The following NAE1 variants were observed in gnomAD, a reference collection of about 807,000 sequenced individuals.
NAE1 encodes NEDD8 activating enzyme E1 subunit 1.
A neutral mutation model predicts 88.0 loss-of-function variants in NAE1; 59 were observed. The ratio of observed to expected loss-of-function variants is 0.67; its 90% CI spans 0.54 to 0.83. The LOEUF is 0.83. Ranked by LOEUF, NAE1 falls within the 40% of genes least tolerant of loss-of-function variation. The pLI, the probability that NAE1 is intolerant of heterozygous loss-of-function variation, is 0.00. For missense variants in NAE1, 554 were observed against 632.8 expected, an observed-to-expected ratio of 0.88 and a Z score of 1.34; for synonymous variants, 186 against 208.9, an observed-to-expected ratio of 0.89 and a Z score of 0.95.
chr16:66,815,877 C>T (rs576343580), intron 11 of NAE1, among the ~76,000 whole-genome samples: 27 of 150,538 alleles, frequency 1.8e-4, no homozygotes, highest in African/African-American at 5.4e-4. Flanking sequence ...TGGCCAGGCT[C>T]GTCTTGGACT....
chr16:66,808,121 G>A (rs1388920827), intron 17 of NAE1, among the ~76,000 whole-genome samples: 1 of 152,012 alleles, frequency 6.6e-6, no homozygotes, highest in African/African-American at 2.4e-5. Flanking sequence ...CCAACTCCTG[G>A]GCTCAAGCAA....
chr16:66,808,836 T>C (rs1959675238), intron 16 of NAE1, 153 bp downstream of exon 16: 1 of 613,040 alleles, frequency 1.6e-6, no homozygotes, highest in Admixed American at 3.6e-5. Flanking sequence ...AATATATAAA[T>C]TATAATTACC....
At chr16:66,808,800 C>T in intron 16 of NAE1, 187 bp from the exon 17 acceptor site, 1 of 607,842 alleles carries the variant, frequency 1.6e-6, no homozygotes. Flanking sequence ...CTAAATATGA[C>T]TTTATGCATA....
At chr16:66,823,881 G>GCTA (rs1022342460) in intron 4 of NAE1, among the ~76,000 whole-genome samples, 1 of 152,128 alleles carries the variant, frequency 6.6e-6, no homozygotes, top group African/African-American at 2.4e-5. Context: ...ACAGGCATGT[G>GCTA]CTACCATGCC....
chr16:66,803,041 T>C lies in NAE1; in HGVS notation c.1573A>G (p.Met525Val), dbSNP rs1246651079. 3 of 1,611,756 alleles carry C rather than the reference T, an allele frequency of 1.9e-6. No homozygotes were observed. The highest frequency in any genetic ancestry group is 2.5e-6 in the Non-Finnish European group (3 of 1,178,100). Residue 525 changes from methionine (M) to valine (V), a missense_variant, in exon 20 of 20, where the codon ATG (methionine) becomes GTG (valine). By Grantham distance (21) the Met-to-Val change is conservative. Transcript: ENST00000290810. The part of the protein sequence containing the change: ...IFNNTYIYSG[M>V]SQTSATFQL ...TGGAAAGTTGCTGAAGTTTGTGACATGCCACTGTAAATGTAAGTATTATTA... is the reference window on the plus strand; with the variant it reads ...TGGAAAGTTGCTGAAGTTTGTGACACGCCACTGTAAATGTAAGTATTATTA...
At position 66,816,996 on chromosome 16, in the gene NAE1, T is replaced by C. The variant is rs748574880; in HGVS notation, c.717A>G (p.Glu239=). The change falls in exon 10 of 20, where the codon GAA becomes GAG. Residue 239 remains glutamate (E), a synonymous_variant. Transcript: ENST00000290810. Reference sequence around the variant, plus strand: ...TAATCAAATCTCTGAAGTCCTCTTTTTCTTTATACGTTTTAGGTATTCGTC... The same window carrying C: ...TAATCAAATCTCTGAAGTCCTCTTTCTCTTTATACGTTTTAGGTATTCGTC... ...TNGRIPKTYK[E]KEDFRDLIRQ... is the part of the protein sequence containing the mutation. The C allele has an allele frequency of 6.2e-7, 1 of 1,601,274 alleles. No individual in the cohort carries two copies. Among genetic ancestry groups the C allele is most frequent in the Non-Finnish European group, 8.5e-7 (1 of 1,176,770 alleles).
Position 66,809,086 on chromosome 16 carries a change from G to A in NAE1, c.1151-11C>T. ...ATGCAGAATTGCTGCCTGAACAGAG[G>A]AAAGATATTCTGGAAGTAATGACTG... On this transcript the variant is annotated splice_polypyrimidine_tract_variant and intron_variant, in intron 15 of 19. Transcript: ENST00000290810. 6.3e-7 allele frequency: 1 copy of A among 1,597,908 alleles called. No individual in the cohort carries two copies. Among genetic ancestry groups the A allele is most frequent in the Non-Finnish European group, 8.6e-7 (1 of 1,168,736 alleles).
chr16:66,810,728 T>C lies in NAE1; in HGVS notation c.1079A>G (p.His360Arg), dbSNP rs774131902. The C allele has an allele frequency of 6.2e-7, 1 of 1,614,232 alleles. No individual in the cohort carries two copies. The highest frequency in any genetic ancestry group is 1.7e-5 in the Admixed American group (1 of 60,028). ...AKKDAAAVGNHVAKLLQSIGQ... is the reference protein window; with the variant it reads ...AKKDAAAVGNRVAKLLQSIGQ... ...AATGGACTGCAGCAATTTGGCAACA[T>C]GATTACCCACAGCGGCAGCATCTTT... Residue 360 changes from histidine (H) to arginine (R), a missense_variant, in exon 14 of 20, where the codon CAT (histidine) becomes CGT (arginine). Transcript: ENST00000290810.
chr16:66,820,677 A>G (rs1376755893), intron 7 of NAE1, among the ~76,000 whole-genome samples: 4 of 152,080 alleles, frequency 2.6e-5, no homozygotes, highest in Non-Finnish European at 4.4e-5. Context: ...CAAGGCGGGC[A>G]GATCACGAGG....
At chr16:66,813,893 G>A (rs779859464) in intron 11 of NAE1, 47 bp from the exon 12 acceptor site, 24 of 1,531,562 alleles carry the variant, frequency 1.6e-5, no homozygotes, top group South Asian at 3.6e-5. Flanking sequence ...TTAAGAATTC[G>A]CCCATCTTTA....
chr16:66,830,728 C>A, intron 1 of NAE1, 119 bp downstream of exon 1: 1 of 1,002,300 alleles, frequency 1.0e-6, no homozygotes, highest in Non-Finnish European at 1.4e-6. Flanking sequence ...CCCGCACGGC[C>A]CGGCCCAGCC....
In NAE1 at chr16:66,825,167, G is replaced by A. The variant is rs9936501; in HGVS notation, c.219-282C>T. On this transcript the variant is annotated intron_variant, in intron 3 of 19. Transcript: ENST00000290810. ...TGGCTAAAAACGTTTGGGAAACACC[G>A]GCGGGTGTGGTGGCTCATGCCTGTA... 3.8e-3 allele frequency among the ~76,000 whole-genome samples: 584 copies of A among 152,220 alleles called. 1 individual carries two copies. The highest frequency in any genetic ancestry group is 0.012 in the African/African-American group (492 of 41,528).
chr16:66,803,169 G>A (rs747873505), intron 19 of NAE1, 51 bp from the exon 20 acceptor site: 8 of 1,219,542 alleles, frequency 6.6e-6, no homozygotes, highest in Non-Finnish European at 9.6e-6. Flanking sequence ...AACTTCAAGA[G>A]TTACATACTC....
intron 15 of NAE1, among the ~76,000 whole-genome samples, chr16:66,809,491 G>A (rs923863415): frequency 6.6e-6 from 1 of 152,238 alleles, no homozygotes; most frequent in Middle Eastern, 3.4e-3. Flanking sequence ...TTTATGAATT[G>A]TACTCTTGAT....
chr16:66,815,433 A>G (rs1420354022), intron 11 of NAE1, among the ~76,000 whole-genome samples: 1 of 152,188 alleles, frequency 6.6e-6, no homozygotes, highest in Non-Finnish European at 1.5e-5. Flanking sequence ...GGCTCACTGC[A>G]GCCTCAACCT....
intron 3 of NAE1, 129 bp from the exon 4 acceptor site, chr16:66,825,014 C>G: frequency 1.8e-6 from 1 of 541,048 alleles, no homozygotes; most frequent in Non-Finnish European, 3.0e-6. Context: ...ACTGTAATGG[C>G]CTTCCTGGAG....
chr16:66,805,651 AG>A lies in NAE1; in HGVS notation c.1495+125del, dbSNP rs368715363. ...AGACTGCGTCTCAAAAAAAAAAAAA[AG>A]AAAGAAATATAACATCCTGCTTCAC... On this transcript the variant is annotated intron_variant, in intron 19 of 19. Coordinates refer to ENST00000290810, the MANE Select transcript of NAE1 (RefSeq NM_003905.4). 2.1e-4 allele frequency: 171 copies of A among 814,178 alleles called. No individual in the cohort carries two copies. The South Asian group carries it at 2.4e-3, about 12-fold the overall frequency. The allele number at this position is 814,178 out of a possible 1,614,324, so 50.4% of individuals were successfully genotyped here. A position where few individuals can be genotyped will look rare whatever the true frequency, so the allele number is the denominator to read the frequency against.
At chr16:66,814,972 C>A (rs1477863416) in intron 11 of NAE1, among the ~76,000 whole-genome samples, 1 of 152,190 alleles carries the variant, frequency 6.6e-6, no homozygotes, top group East Asian at 1.9e-4. Context: ...CACATGTGCT[C>A]CCTCCAACTG....
Position 66,813,827 on chromosome 16 carries a change from T to C in NAE1, c.860A>G (p.Asp287Gly). 6.2e-7 allele frequency: 1 copy of C among 1,613,546 alleles called. No individual in the cohort carries two copies. The highest frequency in any genetic ancestry group is 1.1e-5 in the South Asian group (1 of 90,928). ...TATGCAGCGATCATCATTAAATATA[T>C]CTTCAATACTGCTTGGGATCTAACA... is the stretch of plus-strand genomic sequence containing the variant. The part of the protein sequence containing the change: ...NTTQIPSSIE[D>G]IFNDDRCINI... The change falls in exon 12 of 20, where the codon GAT becomes GGT. Residue 287 changes from aspartate to glycine, a missense_variant. Transcript: ENST00000290810.
Sources: allele counts gnomAD v4.1 joint callset (sites outside exome capture counted in the v4.1 genomes callset), GRCh38; gene constraint gnomAD v4.1.1; transcripts MANE v1.5; gene names NCBI Gene and HGNC (gene_info 2026-07-23, HGNC 2026-07-21).